The following SND1 variants were observed in gnomAD, a reference collection of about 807,000 sequenced individuals.
SND1 encodes the protein staphylococcal nuclease and tudor domain containing 1, also known as staphylococcal nuclease domain-containing protein 1.
A neutral mutation model predicts 121.7 loss-of-function variants in SND1; 38 were observed. The observed-to-expected ratio is 0.31, with a 90% CI of 0.24 to 0.41. SND1 has a LOEUF of 0.41. Among genes scored for constraint, SND1 ranks in the 10% least tolerant of loss-of-function variants. SND1 has a pLI of 1.00. For synonymous variants in SND1, 401 were observed against 447.4 expected (o/e 0.90, Z 1.31); for missense variants, 868 against 1,184.6 (o/e 0.73, Z 3.92).
intron 14 of SND1, among the ~76,000 whole-genome samples, chr7:127,922,044 A>G (rs1043155008): frequency 1.1e-4 from 16 of 151,964 alleles, no homozygotes; most frequent in Admixed American, 8.5e-4. Flanking sequence ...CTGGGAGTGC[A>G]GTGGTGCGCC....
chr7:127,840,697 A>G (rs1314344661), intron 11 of SND1, among the ~76,000 whole-genome samples: 1 of 152,180 alleles, frequency 6.6e-6, no homozygotes, highest in Non-Finnish European at 1.5e-5. Flanking sequence ...GAGATGAAAA[A>G]TTCCAGGGTA....
chr7:127,957,771 G>T (rs1801632044), intron 15 of SND1, among the ~76,000 whole-genome samples: 1 of 152,108 alleles, frequency 6.6e-6, no homozygotes, highest in Non-Finnish European at 1.5e-5. Context: ...CTCAATCTCG[G>T]CTCACTGCAA....
At chr7:127,690,120 A>G (rs985321031) in intron 2 of SND1, among the ~76,000 whole-genome samples, 9 of 151,690 alleles carry the variant, frequency 5.9e-5, no homozygotes, top group African/African-American at 2.2e-4. Flanking sequence ...TCCTTTCTCC[A>G]TATGCTCTCA....
At chr7:127,837,993 T>C (rs1232154950) in intron 11 of SND1, among the ~76,000 whole-genome samples, 1 of 152,190 alleles carries the variant, frequency 6.6e-6, no homozygotes, top group Non-Finnish European at 1.5e-5. Flanking sequence ...CCTACTGCTA[T>C]GTTGTTCCCC....
intron 13 of SND1, among the ~76,000 whole-genome samples, chr7:127,899,933 T>C (rs1291131440): frequency 6.6e-6 from 1 of 152,150 alleles, no homozygotes; most frequent in Non-Finnish European, 1.5e-5. Context: ...GAAAGCATTG[T>C]TAAAAGGAAG....
chr7:128,024,848 TC>T (rs1803438699), intron 16 of SND1, among the ~76,000 whole-genome samples: 1 of 152,146 alleles, frequency 6.6e-6, no homozygotes. Flanking sequence ...CAAAAGACCC[TC>T]CCAGTATTCT....
intron 16 of SND1, among the ~76,000 whole-genome samples, chr7:128,033,803 C>T (rs1051530089): frequency 6.6e-6 from 1 of 152,186 alleles, no homozygotes; most frequent in Non-Finnish European, 1.5e-5. Flanking sequence ...ATTTGAGCCT[C>T]AGCACGTCTC....
At chr7:127,964,134 A>G (rs1801801246) in intron 15 of SND1, among the ~76,000 whole-genome samples, 1 of 147,856 alleles carries the variant, frequency 6.8e-6, no homozygotes, top group African/African-American at 2.5e-5. Flanking sequence ...GTTTGAGTTC[A>G]TTGTAGATTC....
chr7:128,028,672 A>C (rs756440008), intron 16 of SND1: 49 of 1,598,014 alleles, frequency 3.1e-5, no homozygotes, highest in Non-Finnish European at 1.7e-6. Context: ...TTTTTGGGGG[A>C]GGGGAGTCAT....
At chr7:127,760,938 C>T (rs1360015697) in intron 10 of SND1, among the ~76,000 whole-genome samples, 3 of 152,192 alleles carry the variant, frequency 2.0e-5, no homozygotes, top group Non-Finnish European at 4.4e-5. Flanking sequence ...CAACGAAATT[C>T]TAGATCCTCA....
intron 12 of SND1, among the ~76,000 whole-genome samples, chr7:127,876,657 C>CAT (rs778176516): frequency 3.3e-5 from 5 of 152,132 alleles, no homozygotes; most frequent in Non-Finnish European, 7.4e-5. Flanking sequence ...GAATGCATGG[C>CAT]ATATTTAGCA....
chr7:127,881,653 G>C (rs1799792335), intron 12 of SND1, among the ~76,000 whole-genome samples: 1 of 152,154 alleles, frequency 6.6e-6, no homozygotes, highest in African/African-American at 2.4e-5. Flanking sequence ...CACACAGTCT[G>C]GTTCTCTCAT....
At chr7:127,908,256 C>G (rs1189633463) in intron 14 of SND1, among the ~76,000 whole-genome samples, 1 of 150,274 alleles carries the variant, frequency 6.7e-6, no homozygotes, top group Non-Finnish European at 1.5e-5. Context: ...AATGCAAGAC[C>G]AACTTGGTCT....
intron 11 of SND1, among the ~76,000 whole-genome samples, chr7:127,829,702 AC>A (rs1161909224): frequency 2.0e-5 from 3 of 152,248 alleles, no homozygotes; most frequent in Non-Finnish European, 4.4e-5. Context: ...TACAATCAGT[AC>A]ATTCTGTCCT....
intron 22 of SND1, 67 bp downstream of exon 22, chr7:128,089,759 C>G (rs1020359524): frequency 2.1e-6 from 3 of 1,428,350 alleles, no homozygotes; most frequent in Non-Finnish European, 2.9e-6. Context: ...GACTGTTCCA[C>G]AAGCCAGGAA....
intron 10 of SND1, among the ~76,000 whole-genome samples, chr7:127,734,086 T>G (rs1319617694): frequency 6.6e-6 from 1 of 152,068 alleles, no homozygotes; most frequent in Non-Finnish European, 1.5e-5. Flanking sequence ...AAGCTCTATC[T>G]CCAGGATTTT....
intron 15 of SND1, among the ~76,000 whole-genome samples, chr7:127,990,296 G>C (rs1802491476): frequency 6.6e-6 from 1 of 152,138 alleles, no homozygotes; most frequent in Non-Finnish European, 1.5e-5. Context: ...ATAGAGCTGG[G>C]ATGTGAAACT....
At chr7:127,857,245 T>G (rs1192325973) in intron 12 of SND1, among the ~76,000 whole-genome samples, 1 of 129,272 alleles carries the variant, frequency 7.7e-6, no homozygotes, top group Non-Finnish European at 1.6e-5. Flanking sequence ...CAGGCTGGAG[T>G]GCAGTGGTCC....
At chr7:127,962,613 C>A (rs1205523288) in intron 15 of SND1, among the ~76,000 whole-genome samples, 1 of 152,124 alleles carries the variant, frequency 6.6e-6, no homozygotes, top group East Asian at 1.9e-4. Flanking sequence ...GCATATAAAT[C>A]TGAAAGGTTA....
Sources: allele counts gnomAD v4.1 joint callset (sites outside exome capture counted in the v4.1 genomes callset), GRCh38; gene constraint gnomAD v4.1.1; transcripts MANE v1.5; gene names NCBI Gene and HGNC (gene_info 2026-07-23, HGNC 2026-07-21).